Variants in MCTP1 observed in about 807,000 individuals in gnomAD.
MCTP1 encodes the protein multiple C2 and transmembrane domain containing 1, also known as multiple C2 and transmembrane domain-containing protein 1.
MCTP1 carries 69 observed loss-of-function variants against 120.6 expected under a neutral mutation model. That is an observed-to-expected ratio of 0.57 (90% CI 0.47 to 0.70). The LOEUF (loss-of-function observed/expected upper bound fraction) is 0.70, where lower values mean the gene tolerates loss of function less well. Ranked by LOEUF, MCTP1 falls within the 30% of genes least tolerant of loss-of-function variation. MCTP1 has a pLI of 0.00. For synonymous variants in MCTP1, 529 were observed against 493.1 expected, an observed-to-expected ratio of 1.07 and a Z score of -0.96; for missense variants, 1,203 against 1,248.8, an observed-to-expected ratio of 0.96 and a Z score of 0.55.
At chr5:94,717,212 C>T (rs947532677) in intron 19 of MCTP1, among the ~76,000 whole-genome samples, 4 of 152,246 alleles carry the variant, frequency 2.6e-5, no homozygotes, top group Admixed American at 2.6e-4. Flanking sequence ...GGATTCAAGG[C>T]TGATTCAACA....
chr5:95,134,208 T>G (rs1343163262), intron 1 of MCTP1, among the ~76,000 whole-genome samples: 5 of 152,222 alleles, frequency 3.3e-5, no homozygotes, highest in Non-Finnish European at 5.9e-5. Flanking sequence ...TTTTAATCAG[T>G]GTAGTATGTT....
intron 12 of MCTP1, among the ~76,000 whole-genome samples, chr5:94,883,470 T>G (rs1800563590): frequency 6.6e-6 from 1 of 152,206 alleles, no homozygotes; most frequent in Non-Finnish European, 1.5e-5. Context: ...TTTCAGATGT[T>G]AAGATAGTAA....
chr5:95,091,938 C>T (rs1295991004), intron 1 of MCTP1, among the ~76,000 whole-genome samples: 2 of 152,136 alleles, frequency 1.3e-5, no homozygotes, highest in Non-Finnish European at 1.5e-5. Context: ...CAAGGAAAGT[C>T]TTATGAGAAG....
rs1801936228 is a variant in MCTP1, at chr5:94,888,970, G to A, written c.1842C>T (p.Ser614=). 1 of 1,607,760 alleles carries A rather than the reference G, an allele frequency of 6.2e-7. No individual in the cohort carries two copies. Among genetic ancestry groups the A allele is most frequent in the South Asian group, 1.1e-5 (1 of 90,966 alleles). Reference sequence around the variant, plus strand: ...TCAGGTTGTGAAATATCCTCAATGGGCTCTGAAAGACCCCAACATCAGTAT... The same window carrying A: ...TCAGGTTGTGAAATATCCTCAATGGACTCTGAAAGACCCCAACATCAGTAT... ...KEREEILKRY[S]PLRIFHNLKD... is the part of the protein sequence containing the mutation. Residue 614 remains serine, a splice_region_variant and synonymous_variant, in exon 12 of 23, where the codon AGC becomes AGT. Transcript: ENST00000515393.
At chr5:95,266,918 C>T (rs1272564141) in intron 1 of MCTP1, among the ~76,000 whole-genome samples, 1 of 152,230 alleles carries the variant, frequency 6.6e-6, no homozygotes, top group African/African-American at 2.4e-5. Context: ...AGACTACAGT[C>T]TCCATGAAAT....
chr5:95,005,727 A>T (rs990188877), intron 2 of MCTP1, among the ~76,000 whole-genome samples: 1 of 150,492 alleles, frequency 6.6e-6, no homozygotes, highest in East Asian at 1.9e-4. Flanking sequence ...AACCCTGTAT[A>T]GCCTGCAGAA....
At chr5:95,182,350 G>C (rs1748693948) in intron 1 of MCTP1, among the ~76,000 whole-genome samples, 1 of 152,198 alleles carries the variant, frequency 6.6e-6, no homozygotes, top group South Asian at 2.1e-4. Flanking sequence ...ATATTGAGAA[G>C]ATGCTCACTC....
intron 17 of MCTP1, chr5:94,826,431 C>T (rs1787078299): frequency 1.5e-6 from 1 of 666,670 alleles, no homozygotes; most frequent in Non-Finnish European, 2.8e-6. Flanking sequence ...TGACAAATGC[C>T]AATTTGGGTT....
intron 1 of MCTP1, among the ~76,000 whole-genome samples, chr5:95,205,238 G>A (rs1282696254): frequency 6.6e-6 from 1 of 151,752 alleles, no homozygotes; most frequent in Non-Finnish European, 1.5e-5. Context: ...AATAAAATGG[G>A]GAAAAAATAG....
At chr5:95,219,561 G>C (rs573221314) in intron 1 of MCTP1, among the ~76,000 whole-genome samples, 2 of 152,094 alleles carry the variant, frequency 1.3e-5, no homozygotes, top group African/African-American at 2.4e-5. Context: ...GACTCCCTAC[G>C]GTCTTTAGGT....
intron 1 of MCTP1, among the ~76,000 whole-genome samples, chr5:95,176,277 A>G (rs1582447929): frequency 6.6e-6 from 1 of 152,138 alleles, no homozygotes; most frequent in Non-Finnish European, 1.5e-5. Flanking sequence ...GTAATCCCAG[A>G]ACTTTGGGAG....
chr5:94,908,578 A>G (rs898364445), intron 10 of MCTP1, among the ~76,000 whole-genome samples: 1 of 152,040 alleles, frequency 6.6e-6, no homozygotes, highest in African/African-American at 2.4e-5. Flanking sequence ...TTATTTCAAT[A>G]TTGGCAGGTT....
chr5:94,961,425 A>G (rs1824164583), intron 2 of MCTP1, among the ~76,000 whole-genome samples: 1 of 152,142 alleles, frequency 6.6e-6, no homozygotes, highest in South Asian at 2.1e-4. Context: ...TTTAAAAAAA[A>G]AGAAAGAAAA....
Position 94,781,779 on chromosome 5 carries a change from C to T in MCTP1, c.2557-2616G>A, listed in dbSNP as rs999248761. Among the ~76,000 whole-genome samples the T allele has an allele frequency of 5.3e-5, 8 of 152,274 alleles. No homozygotes were observed. In the East Asian group the frequency reaches 1.5e-3, roughly 29 times the overall value. On this transcript the variant is annotated intron_variant, in intron 18 of 22. Coordinates refer to ENST00000515393, the MANE Select transcript of MCTP1 (RefSeq NM_024717.7). ...AAACCCAAACTGTTCTTACCCTGCA[C>T]AAGTGGGTAATTGGCTACGCACAAT...
chr5:94,795,565 A>G (rs915807147), intron 18 of MCTP1, among the ~76,000 whole-genome samples: 2 of 152,242 alleles, frequency 1.3e-5, no homozygotes, highest in Admixed American at 1.3e-4. Context: ...AGCTCAAACC[A>G]ACAGAAGGAT....
chr5:94,957,782 G>A (rs867899831), intron 2 of MCTP1, among the ~76,000 whole-genome samples: 11 of 152,182 alleles, frequency 7.2e-5, no homozygotes, highest in African/African-American at 2.7e-4. Flanking sequence ...AGTTCTTAGA[G>A]ACCTACAAAG....
At chr5:94,931,767 A>G in intron 6 of MCTP1, 186 bp downstream of exon 6, 1 of 598,678 alleles carries the variant, frequency 1.7e-6, no homozygotes, top group Non-Finnish European at 3.0e-6. Flanking sequence ...GGATGATTTG[A>G]AGCTATTGAT....
At chr5:95,195,202 T>A (rs114507079) in intron 1 of MCTP1, among the ~76,000 whole-genome samples, 1,592 of 152,236 alleles carry the variant, frequency 0.01, 14 homozygotes, top group Middle Eastern at 0.031. Flanking sequence ...GCTTATGATG[T>A]TTCCAGGAAA....
At chr5:95,135,214 T>A (rs549821422) in intron 1 of MCTP1, among the ~76,000 whole-genome samples, 1 of 152,210 alleles carries the variant, frequency 6.6e-6, no homozygotes, top group Admixed American at 6.5e-5. Context: ...AAAGATATAG[T>A]AGATAATAAG....
Sources: gnomAD v4.1 joint callset for allele counts (sites outside exome capture counted in the v4.1 genomes callset) on GRCh38, gnomAD v4.1.1 for gene constraint, MANE v1.5 for transcripts, NCBI Gene and HGNC (gene_info 2026-07-23, HGNC 2026-07-21) for gene names.